The following CAST variants were observed in gnomAD, a reference collection of about 807,000 sequenced individuals.
The protein encoded by CAST is MIR583 host.
Under a neutral mutation model 119.6 loss-of-function variants are expected in CAST, and 76 were observed. The observed-to-expected ratio is 0.64, with a 90% CI of 0.53 to 0.77. CAST has a LOEUF of 0.77. Ranked by LOEUF, CAST falls within the 30% of genes least tolerant of loss-of-function variation. The pLI is 0.00. For synonymous variants in CAST, 319 were observed against 331.6 expected, an observed-to-expected ratio of 0.96 and a Z score of 0.41; for missense variants, 953 against 946.5, an observed-to-expected ratio of 1.01 and a Z score of -0.09.
the CAST span, chr5:95,961,836 C>T: frequency 7.3e-7 from 1 of 1,363,514 alleles, no homozygotes; most frequent in East Asian, 2.7e-5. Flanking sequence ...CCGCTGCTGA[C>T]GTACTGTCAT....
chr5:96,602,259 A>C (rs1451199676), intron 1 of CAST, among the ~76,000 whole-genome samples: 1 of 151,278 alleles, frequency 6.6e-6, no homozygotes, highest in Non-Finnish European at 1.5e-5. Flanking sequence ...CAATAATTCC[A>C]TGCAGTGATT....
At chr5:96,096,692 T>G in the CAST span, among the ~76,000 whole-genome samples, 3 of 152,324 alleles carry the variant, frequency 2.0e-5, no homozygotes, top group South Asian at 6.2e-4. Context: ...AGGCCCAGTT[T>G]AAGACCCTTT....
the CAST span, among the ~76,000 whole-genome samples, chr5:96,318,053 G>T: frequency 6.6e-6 from 1 of 152,148 alleles, no homozygotes; most frequent in Admixed American, 6.5e-5. Flanking sequence ...TAGCTCAATG[G>T]CTTGATAGCC....
At chr5:96,200,590 G>A in the CAST span, among the ~76,000 whole-genome samples, 1 of 152,102 alleles carries the variant, frequency 6.6e-6, no homozygotes, top group African/African-American at 2.4e-5. Context: ...TTTAGATACA[G>A]GATATCCTTT....
the CAST span, among the ~76,000 whole-genome samples, chr5:96,474,306 CA>C: frequency 2.6e-5 from 4 of 152,198 alleles, no homozygotes; most frequent in African/African-American, 9.6e-5. Context: ...ACACACAGAA[CA>C]CCACTGCTAC....
the CAST span, among the ~76,000 whole-genome samples, chr5:96,444,723 TTTTA>T: frequency 1.3e-5 from 2 of 152,092 alleles, no homozygotes; most frequent in Admixed American, 6.5e-5. Flanking sequence ...TGCTAGGGGG[TTTTA>T]TTTGTTTGCT....
At position 96,701,514 on chromosome 5, in the gene CAST, A is replaced by T. The variant is rs550890187; in HGVS notation, c.210+5607A>T. 5.3e-5 allele frequency among the ~76,000 whole-genome samples: 8 copies of T among 152,294 alleles called. No homozygotes were observed. In the East Asian group the frequency reaches 1.5e-3, roughly 29 times the overall value. ...GGGATATATAAGCTATATATCAAGAAGAATTCTAAGTCCGGGTGCATGGCT... is the reference window on the plus strand; with the variant it reads ...GGGATATATAAGCTATATATCAAGATGAATTCTAAGTCCGGGTGCATGGCT... On this transcript the variant is annotated intron_variant, in intron 3 of 31. Transcript: ENST00000675179.
At chr5:96,274,367 G>A in the CAST span, among the ~76,000 whole-genome samples, 1 of 152,052 alleles carries the variant, frequency 6.6e-6, no homozygotes, top group Non-Finnish European at 1.5e-5. Flanking sequence ...CTCCCAAAGT[G>A]CTGGGATTAC....
the CAST span, among the ~76,000 whole-genome samples, chr5:96,376,435 C>T: frequency 6.6e-6 from 1 of 150,748 alleles, no homozygotes. Flanking sequence ...AAAATTATTT[C>T]TATTTTTTTT....
intron 1 of CAST, among the ~76,000 whole-genome samples, chr5:96,664,050 C>G (rs887600299): frequency 6.6e-6 from 1 of 151,648 alleles, no homozygotes; most frequent in Non-Finnish European, 1.5e-5. Context: ...GTCTTTTTCT[C>G]TCTTGGCATG....
At chr5:96,327,762 CGATTCAACAA>C in the CAST span, among the ~76,000 whole-genome samples, 1 of 152,130 alleles carries the variant, frequency 6.6e-6, no homozygotes, top group Non-Finnish European at 1.5e-5. Context: ...ATCAGAAGAG[CGATTCAACAA>C]CTCACTCTAG....
At chr5:96,435,198 T>G in the CAST span, among the ~76,000 whole-genome samples, 1 of 152,222 alleles carries the variant, frequency 6.6e-6, no homozygotes, top group Non-Finnish European at 1.5e-5. Flanking sequence ...GTCCCTTTCT[T>G]ATTATTGTTC....
At chr5:96,268,710 A>G in the CAST span, among the ~76,000 whole-genome samples, 1 of 152,328 alleles carries the variant, frequency 6.6e-6, no homozygotes, top group African/African-American at 2.4e-5. Context: ...AAGACCACAT[A>G]TAGACTTAAA....
At chr5:96,458,803 G>A in the CAST span, among the ~76,000 whole-genome samples, 1 of 152,172 alleles carries the variant, frequency 6.6e-6, no homozygotes, top group Non-Finnish European at 1.5e-5. Flanking sequence ...TCAATAAGCT[G>A]ATAAGAGTCT....
the CAST span, among the ~76,000 whole-genome samples, chr5:96,405,178 G>A: frequency 6.6e-6 from 1 of 152,132 alleles, no homozygotes; most frequent in Non-Finnish European, 1.5e-5. Context: ...TAAATGTTAA[G>A]ATAGATCAGT....
chr5:96,343,441 G>A, the CAST span, among the ~76,000 whole-genome samples: 2 of 152,150 alleles, frequency 1.3e-5, no homozygotes, highest in Non-Finnish European at 2.9e-5. Context: ...GGGGTTGAGA[G>A]GAGTTTAGTT....
chr5:96,333,065 T>A, the CAST span, among the ~76,000 whole-genome samples: 2 of 152,092 alleles, frequency 1.3e-5, no homozygotes, highest in Non-Finnish European at 2.9e-5. Flanking sequence ...TGTCTTTTTA[T>A]AGCGTCTCTC....
the CAST span, among the ~76,000 whole-genome samples, chr5:96,093,271 T>C: frequency 6.6e-6 from 1 of 152,176 alleles, no homozygotes; most frequent in Non-Finnish European, 1.5e-5. Flanking sequence ...GTGAACAATA[T>C]ACAGCTGTTT....
At chr5:95,961,964 G>C in the CAST span, 13,724 of 447,232 alleles carry the variant, frequency 0.031, 500 homozygotes, top group African/African-American at 0.1. Context: ...CGCCCTCATC[G>C]GCCGCCCTCC....
Sources: allele counts gnomAD v4.1 joint callset (sites outside exome capture counted in the v4.1 genomes callset), GRCh38; gene constraint gnomAD v4.1.1; transcripts MANE v1.5; gene names NCBI Gene and HGNC (gene_info 2026-07-23, HGNC 2026-07-21).